The following MAST4 variants were observed in gnomAD, a reference collection of about 807,000 sequenced individuals.
MAST4 encodes microtubule associated serine/threonine kinase family member 4.
Under a neutral mutation model 162.7 loss-of-function variants are expected in MAST4, and 89 were observed. The ratio of observed to expected loss-of-function variants is 0.55; its 90% CI spans 0.46 to 0.65. MAST4 has a LOEUF of 0.65. MAST4 is among the 30% of genes least tolerant of loss of function. The pLI is 0.00. For missense variants in MAST4, 3,153 were observed against 3,374.0 expected, an observed-to-expected ratio of 0.93 and a Z score of 1.62; for synonymous variants, 1,479 against 1,361.1, an observed-to-expected ratio of 1.09 and a Z score of -1.91.
chr5:67,087,915 A>G (rs1225080892), intron 5 of MAST4, among the ~76,000 whole-genome samples: 2 of 152,214 alleles, frequency 1.3e-5, no homozygotes, highest in African/African-American at 4.8e-5. Context: ...AATGAGGAAA[A>G]TGTTCAAGCA....
intron 4 of MAST4, among the ~76,000 whole-genome samples, chr5:67,022,000 A>G (rs1754043612): frequency 6.6e-6 from 1 of 152,034 alleles, no homozygotes; most frequent in Non-Finnish European, 1.5e-5. Flanking sequence ...GCTTATTTTA[A>G]TGTTTCTTTT....
intron 18 of MAST4, among the ~76,000 whole-genome samples, chr5:67,136,255 T>A (rs948065586): frequency 9.2e-5 from 14 of 152,222 alleles, no homozygotes; most frequent in African/African-American, 3.1e-4. Flanking sequence ...AGAGGCAACT[T>A]TTTGGAAGCC....
At chr5:66,647,695 T>C (rs1275335835) in intron 1 of MAST4, among the ~76,000 whole-genome samples, 4 of 152,108 alleles carry the variant, frequency 2.6e-5, no homozygotes, top group Admixed American at 1.3e-4. Context: ...GGTTCCCAGC[T>C]CCAGAACATA....
chr5:66,676,258 A>G (rs1430320119), intron 1 of MAST4, among the ~76,000 whole-genome samples: 6 of 152,190 alleles, frequency 3.9e-5, no homozygotes, highest in Non-Finnish European at 8.8e-5. Context: ...GAGCTAGACC[A>G]GTGGATGTCA....
chr5:66,889,584 C>T (rs144479985), intron 3 of MAST4, among the ~76,000 whole-genome samples: 2 of 152,250 alleles, frequency 1.3e-5, no homozygotes, highest in African/African-American at 4.8e-5. Context: ...CAGCCCTTTG[C>T]CCAGGTTCAG....
At chr5:66,750,402 G>A (rs1429767591) in intron 1 of MAST4, among the ~76,000 whole-genome samples, 1 of 152,248 alleles carries the variant, frequency 6.6e-6, no homozygotes, top group Non-Finnish European at 1.5e-5. Context: ...ATCTCACTAG[G>A]GAGTGCCAGA....
At chr5:66,732,794 TCC>T (rs1751933829) in intron 1 of MAST4, among the ~76,000 whole-genome samples, 1 of 152,206 alleles carries the variant, frequency 6.6e-6, no homozygotes. Flanking sequence ...TTGGATGAGA[TCC>T]ATGTGGTTGT....
At chr5:66,909,318 A>G (rs1763592438) in intron 4 of MAST4, among the ~76,000 whole-genome samples, 1 of 151,894 alleles carries the variant, frequency 6.6e-6, no homozygotes, top group Non-Finnish European at 1.5e-5. Context: ...GAAGGAACTC[A>G]CTCCCTGTCC....
intron 1 of MAST4, among the ~76,000 whole-genome samples, chr5:66,688,024 T>C (rs1748801826): frequency 6.6e-6 from 1 of 152,224 alleles, no homozygotes; most frequent in South Asian, 2.1e-4. Context: ...CTAAATCTTA[T>C]ATCCATGAAA....
intron 1 of MAST4, among the ~76,000 whole-genome samples, chr5:66,652,362 A>T (rs4311392): frequency 0.23 from 35,691 of 152,088 alleles, 4,345 homozygotes; most frequent in East Asian, 0.3. Context: ...TGTAATAAGT[A>T]TTTCATAATT....
chr5:67,145,412 C>T (rs1770959996), intron 23 of MAST4, 33 bp downstream of exon 23: 2 of 1,577,158 alleles, frequency 1.3e-6, no homozygotes, highest in African/African-American at 2.7e-5. Flanking sequence ...TGCTGTCCTC[C>T]TCACCACACT....
At chr5:66,911,243 A>G (rs1763738176) in intron 4 of MAST4, among the ~76,000 whole-genome samples, 1 of 152,154 alleles carries the variant, frequency 6.6e-6, no homozygotes, top group Non-Finnish European at 1.5e-5. Flanking sequence ...CCGTAAGGAA[A>G]TTCTCTGCAG....
In MAST4 at chr5:67,165,111, C is replaced by G. The variant is rs763503178; in HGVS notation, c.5932C>G (p.Pro1978Ala). 3.1e-5 allele frequency: 49 copies of G among 1,589,554 alleles called. No individual in the cohort carries two copies. The highest frequency in any genetic ancestry group is 4.0e-5 in the Non-Finnish European group (47 of 1,167,832). ...CCTGAGGGAATCGTCTGAAAGAGGC[C>G]CTCCCACAGCCAGAAGCGAGCGCTC... is the stretch of plus-strand genomic sequence containing the variant. ...PGLRESSERGPPTARSERSAA... is the reference protein window; with the variant it reads ...PGLRESSERGAPTARSERSAA... The change falls in exon 29 of 29, where the codon CCT (proline) becomes GCT (alanine). Residue 1978 changes from proline (P) to alanine (A), a missense_variant. Coordinates refer to ENST00000403625, the MANE Select transcript of MAST4 (RefSeq NM_001164664.2).
chr5:67,109,623 T>G (rs201155399), intron 10 of MAST4, among the ~76,000 whole-genome samples: 1 of 152,188 alleles, frequency 6.6e-6, no homozygotes, highest in Non-Finnish European at 1.5e-5. Context: ...ATAACTAATT[T>G]ATAGGCGAAT....
intron 2 of MAST4, among the ~76,000 whole-genome samples, chr5:66,784,025 G>T (rs33695): frequency 0.15 from 23,343 of 151,890 alleles, 2,081 homozygotes; most frequent in East Asian, 0.44. Flanking sequence ...CCTCCCACTG[G>T]CAGGGAGCCT....
intron 4 of MAST4, among the ~76,000 whole-genome samples, chr5:67,031,023 G>A (rs1028784615): frequency 4.6e-5 from 7 of 152,090 alleles, no homozygotes; most frequent in African/African-American, 1.7e-4. Context: ...CCTGTAAAAA[G>A]TAAAATTGAT....
At chr5:67,117,192 C>A (rs1037017517) in intron 12 of MAST4, among the ~76,000 whole-genome samples, 1 of 152,182 alleles carries the variant, frequency 6.6e-6, no homozygotes, top group Admixed American at 6.5e-5. Flanking sequence ...GAGATCCCTT[C>A]CAACTAGATG....
chr5:66,821,235 C>T (rs541632820), intron 3 of MAST4, among the ~76,000 whole-genome samples: 15 of 152,248 alleles, frequency 9.9e-5, no homozygotes, highest in South Asian at 2.1e-4. Flanking sequence ...GGCAGACTGC[C>T]GCTTGTTTTA....
At chr5:66,695,370 C>T (rs985688882) in intron 1 of MAST4, among the ~76,000 whole-genome samples, 1 of 152,104 alleles carries the variant, frequency 6.6e-6, no homozygotes, top group Non-Finnish European at 1.5e-5. Context: ...TTCCATTGGT[C>T]TATGTGTCTG....
Sources: gnomAD v4.1 joint callset for allele counts (sites outside exome capture counted in the v4.1 genomes callset) on GRCh38, gnomAD v4.1.1 for gene constraint, MANE v1.5 for transcripts, NCBI Gene and HGNC (gene_info 2026-07-23, HGNC 2026-07-21) for gene names.